PRKCE: variants seen among roughly 807,000 people sequenced by gnomAD.
The protein encoded by PRKCE is protein kinase C epsilon.
PRKCE carries 16 observed loss-of-function variants against 85.4 expected under a neutral mutation model. The ratio of observed to expected loss-of-function variants is 0.19; its 90% CI spans 0.13 to 0.28. PRKCE has a LOEUF of 0.28. PRKCE is among the 10% of genes least tolerant of loss of function. PRKCE has a pLI of 1.00. For missense variants in PRKCE, 573 were observed against 975.2 expected, an observed-to-expected ratio of 0.59 and a Z score of 5.49; for synonymous variants, 388 against 371.5, an observed-to-expected ratio of 1.04 and a Z score of -0.51.
chr2:45,941,005 G>T (rs966350141), intron 2 of PRKCE, among the ~76,000 whole-genome samples: 2 of 141,644 alleles, frequency 1.4e-5, no homozygotes, highest in Non-Finnish European at 3.0e-5. Context: ...GGTGGAGATT[G>T]CAGTGAGCCA....
intron 1 of PRKCE, among the ~76,000 whole-genome samples, chr2:45,761,134 T>C (rs1291016316): frequency 2.6e-5 from 4 of 152,026 alleles, no homozygotes; most frequent in Admixed American, 6.5e-5. Context: ...GAGACCATCT[T>C]GGCTAACACG....
intron 10 of PRKCE, among the ~76,000 whole-genome samples, chr2:46,066,793 G>C (rs1301322391): frequency 2.0e-5 from 3 of 152,148 alleles, no homozygotes; most frequent in Non-Finnish European, 2.9e-5. Context: ...TGTGTCTTTG[G>C]GGTGGTGGGA....
chr2:45,988,726 C>T (rs1011584978), intron 6 of PRKCE, among the ~76,000 whole-genome samples: 4 of 152,166 alleles, frequency 2.6e-5, no homozygotes, highest in South Asian at 2.1e-4. Flanking sequence ...TGGGTCTGTC[C>T]GAGCCCCTCA....
At chr2:46,055,686 G>T (rs757756902) in intron 10 of PRKCE, among the ~76,000 whole-genome samples, 1 of 151,702 alleles carries the variant, frequency 6.6e-6, no homozygotes, top group Non-Finnish European at 1.5e-5. Flanking sequence ...TTTGAGGAGG[G>T]TCTTGCTCTG....
At chr2:45,669,239 A>G (rs1465550375) in intron 1 of PRKCE, among the ~76,000 whole-genome samples, 1 of 152,186 alleles carries the variant, frequency 6.6e-6, no homozygotes, top group African/African-American at 2.4e-5. Context: ...GGAAAAGGGG[A>G]GGAAGACAGA....
Position 46,091,042 on chromosome 2 carries a change from C to T in PRKCE, c.1592+4680C>T, listed in dbSNP as rs538975103. Among the ~76,000 whole-genome samples, 8 of 152,234 alleles carry T rather than the reference C, an allele frequency of 5.3e-5. No homozygotes were observed. The South Asian group carries it at 1.0e-3, about 20-fold the overall frequency. On this transcript the variant is annotated intron_variant, in intron 11 of 14. Transcript: ENST00000306156. The stretch of plus-strand genomic sequence containing the variant: ...TCTCTGGCTCACACTTGAAAGAGAG[C>T]CCAAACAGATAGACACAATCTCCTT...
At chr2:46,128,121 T>TGATA (rs1228825457) in intron 11 of PRKCE, among the ~76,000 whole-genome samples, 11 of 152,354 alleles carry the variant, frequency 7.2e-5, no homozygotes, top group East Asian at 5.8e-4. Flanking sequence ...ATTATTCCAA[T>TGATA]GATATCCTCT....
rs1380870061 is a variant in PRKCE, at chr2:45,905,979, G to C, written c.412+62916G>C. ...GGCAGGCTATCTTCAGCGGTGATGC[G>C]CTTTCAACCCTCCTCCCCTACCCAC... On this transcript the variant is annotated intron_variant, in intron 2 of 14. Transcript: ENST00000306156. This position sits in a 1 kb window ranked among gnomAD's most constrained non-coding sequence, Gnocchi z 4.4. 6.6e-6 allele frequency among the ~76,000 whole-genome samples: 1 copy of C among 152,322 alleles called. No individual in the cohort carries two copies. Among genetic ancestry groups the C allele is most frequent in the South Asian group, 2.1e-4 (1 of 4,822 alleles).
intron 1 of PRKCE, among the ~76,000 whole-genome samples, chr2:45,790,189 G>A (rs1216714379): frequency 2.0e-5 from 3 of 152,168 alleles, no homozygotes; most frequent in African/African-American, 7.2e-5. Flanking sequence ...GCATAAATGA[G>A]AGCATCCTTC....
At chr2:45,683,749 TA>T (rs575069835) in intron 1 of PRKCE, among the ~76,000 whole-genome samples, 4 of 152,120 alleles carry the variant, frequency 2.6e-5, no homozygotes, top group Non-Finnish European at 5.9e-5. Context: ...TATAACAAGA[TA>T]AACGGTCCCA....
intron 2 of PRKCE, among the ~76,000 whole-genome samples, chr2:45,898,974 C>T (rs1696363407): frequency 6.6e-6 from 1 of 152,244 alleles, no homozygotes; most frequent in Non-Finnish European, 1.5e-5. Flanking sequence ...CTAGGCCATA[C>T]ACCCAACTCA....
chr2:45,831,729 C>T (rs978346458), intron 1 of PRKCE, among the ~76,000 whole-genome samples: 3 of 152,068 alleles, frequency 2.0e-5, no homozygotes, highest in African/African-American at 7.2e-5. Context: ...CAGTGACCAC[C>T]AGAGAAACCT....
chr2:45,676,852 A>AAGCT (rs1456558636), intron 1 of PRKCE: 1 of 152,310 alleles, frequency 6.6e-6, no homozygotes, highest in East Asian at 1.9e-4. Context: ...CCCTGCCATC[A>AAGCT]AGCTAGGTCT....
chr2:45,817,396 T>C (rs966078058), intron 1 of PRKCE, among the ~76,000 whole-genome samples: 1 of 152,154 alleles, frequency 6.6e-6, no homozygotes, highest in African/African-American at 2.4e-5. Flanking sequence ...AAATACTTTC[T>C]TTAAAAAAAC....
chr2:45,815,138 C>T (rs1197959565), intron 1 of PRKCE, among the ~76,000 whole-genome samples: 5 of 152,262 alleles, frequency 3.3e-5, no homozygotes, highest in African/African-American at 2.4e-5. Context: ...ACCTCATTAC[C>T]ATTTAAGAAG....
intron 11 of PRKCE, among the ~76,000 whole-genome samples, chr2:46,129,182 G>A (rs1674163385): frequency 6.6e-6 from 1 of 152,176 alleles, no homozygotes; most frequent in Non-Finnish European, 1.5e-5. Context: ...TCCTCCACAT[G>A]AGGCGCACTA....
At chr2:45,946,542 G>C (rs1014303989) in intron 2 of PRKCE, among the ~76,000 whole-genome samples, 1 of 152,166 alleles carries the variant, frequency 6.6e-6, no homozygotes, top group African/African-American at 2.4e-5. Flanking sequence ...GTTCAAACAA[G>C]GTCAACGATG....
chr2:45,948,356 C>T (rs13430253), intron 2 of PRKCE, among the ~76,000 whole-genome samples: 1,929 of 152,234 alleles, frequency 0.013, 25 homozygotes, highest in Middle Eastern at 0.044. Flanking sequence ...ATTTTGTATT[C>T]GGGCTGCGTG....
Position 45,703,022 on chromosome 2 carries a change from C to CCA in PRKCE, c.348+50575_348+50576insAC, listed in dbSNP as rs1042249595. On this transcript the variant is annotated intron_variant, in intron 1 of 14. Coordinates refer to ENST00000306156, the MANE Select transcript of PRKCE (RefSeq NM_005400.3). ...AAGTTTTCTTGAGAAAGCCTTTTTT[C>CCA]CCCCCCCGTCAGGAAGTCAGTCCTT... is the stretch of plus-strand genomic sequence containing the variant. Among the ~76,000 whole-genome samples the CCA allele has an allele frequency of 5.4e-5, 3 of 55,168 alleles. 1 individual carries two copies. Among genetic ancestry groups the CCA allele is most frequent in the East Asian group, 6.3e-4 (1 of 1,580 alleles). 36.2% of individuals were successfully genotyped at this position (55,168 alleles called of 152,430 possible).
Sources: gnomAD v4.1 joint callset for allele counts (sites outside exome capture counted in the v4.1 genomes callset) on GRCh38, gnomAD v4.1.1 for gene constraint, Gnocchi (gnomAD v3.1) non-coding constraint, MANE v1.5 for transcripts, NCBI Gene and HGNC (gene_info 2026-07-23, HGNC 2026-07-21) for gene names.